ERI1: variants seen among roughly 807,000 people sequenced by gnomAD.
ERI1 encodes exoribonuclease 1, also known as 3'-5' exoribonuclease 1.
In ERI1, 39 loss-of-function variants were observed where a neutral mutation model predicts 39.7. That is an observed-to-expected ratio of 0.98 (90% CI 0.76 to 1.28). ERI1 has a LOEUF of 1.28. Ranked by LOEUF, ERI1 falls within the 50% of genes most tolerant of loss-of-function variation. The probability of loss-of-function intolerance (pLI) is 0.00; values close to 1 mark genes in which losing one functional copy is unlikely to be tolerated. For missense variants in ERI1, 581 were observed against 416.9 expected (o/e 1.39, Z -3.43); for synonymous variants, 204 against 149.6 (o/e 1.36, Z -2.65).
At chr8:9,065,774 C>G (rs949189846) in intron 3 of ERI1, among the ~76,000 whole-genome samples, 2 of 150,554 alleles carry the variant, frequency 1.3e-5, no homozygotes, top group African/African-American at 4.9e-5. Flanking sequence ...ACTAACAAAT[C>G]TCCTTTTAAA....
At chr8:9,026,362 C>G (rs1041397065) in intron 6 of ERI1, among the ~76,000 whole-genome samples, 3 of 152,124 alleles carry the variant, frequency 2.0e-5, no homozygotes, top group African/African-American at 4.8e-5. Flanking sequence ...TCTCATATTC[C>G]AAAAGTGAAA....
intron 2 of ERI1, among the ~76,000 whole-genome samples, chr8:9,010,811 C>G (rs1816588879): frequency 6.6e-6 from 1 of 152,248 alleles, no homozygotes; most frequent in South Asian, 2.1e-4. Flanking sequence ...ACCTTTCTCT[C>G]CTCCCCACTA....
At chr8:9,080,417 C>A (rs148924654) in intron 3 of ERI1, among the ~76,000 whole-genome samples, 1,657 of 152,306 alleles carry the variant, frequency 0.011, 16 homozygotes, top group Non-Finnish European at 0.019. Context: ...AGTGACATTT[C>A]TCCTTGCAGC....
rs1563344310 is a variant in ERI1 at position 9,033,299 on chromosome 8, T to TA, written c.*3266dup. On this transcript the variant is annotated 3_prime_UTR_variant, in exon 7 of 7. Coordinates refer to ENST00000250263, the MANE Select transcript of ERI1 (RefSeq NM_153332.4). The stretch of plus-strand genomic sequence containing the variant: ...ATAATATTTTGTATAATACGAAAAT[T>TA]ACGAAATTTTAGTTTCTCTAAATAA... 6.6e-6 allele frequency: 1 copy of TA among 152,214 alleles called. No homozygotes were observed. Among genetic ancestry groups the TA allele is most frequent in the Non-Finnish European group, 1.5e-5 (1 of 68,040 alleles). The allele number at this position is 152,214 out of a possible 1,614,324, so 9.4% of individuals were successfully genotyped here.
At chr8:9,008,172 T>A in intron 2 of ERI1, 24 bp downstream of exon 2, 1 of 1,509,760 alleles carries the variant, frequency 6.6e-7, no homozygotes, top group East Asian at 2.4e-5. Context: ...ACTTATAAAA[T>A]TATAAAAGTA....
chr8:9,062,232 G>T (rs1444131474), intron 3 of ERI1, among the ~76,000 whole-genome samples: 1 of 152,012 alleles, frequency 6.6e-6, no homozygotes, highest in Non-Finnish European at 1.5e-5. Context: ...AGATTGTAAG[G>T]GGTGCATGAT....
intron 3 of ERI1, among the ~76,000 whole-genome samples, chr8:9,069,672 G>C (rs780535583): frequency 6.6e-6 from 1 of 152,000 alleles, no homozygotes; most frequent in African/African-American, 2.4e-5. Flanking sequence ...TCTCAGCATC[G>C]TGCAATATAC....
chr8:9,079,119 G>A (rs1799296346), intron 3 of ERI1, among the ~76,000 whole-genome samples: 1 of 152,020 alleles, frequency 6.6e-6, no homozygotes, highest in African/African-American at 2.4e-5. Context: ...ATAGGGAGGG[G>A]AAAAAAGATT....
intron 3 of ERI1, among the ~76,000 whole-genome samples, chr8:9,069,888 G>A (rs772680514): frequency 2.0e-5 from 3 of 152,176 alleles, no homozygotes; most frequent in Non-Finnish European, 4.4e-5. Flanking sequence ...GAATTTGCAG[G>A]TTTTAGAAAG....
chr8:9,063,367 A>C (rs1385683378), intron 3 of ERI1, among the ~76,000 whole-genome samples: 1 of 152,102 alleles, frequency 6.6e-6, no homozygotes, highest in African/African-American at 2.4e-5. Flanking sequence ...AGCTCCAGCC[A>C]CCTTTTTAAG....
chr8:9,097,080 T>C (rs1377038204), intron 3 of ERI1, among the ~76,000 whole-genome samples: 2 of 152,092 alleles, frequency 1.3e-5, no homozygotes, highest in Non-Finnish European at 2.9e-5. Flanking sequence ...TCCCGCTTCC[T>C]CTGGAAGTCC....
intron 3 of ERI1, among the ~76,000 whole-genome samples, chr8:9,094,887 A>G (rs1164509338): frequency 6.6e-6 from 1 of 152,184 alleles, no homozygotes; most frequent in Non-Finnish European, 1.5e-5. Flanking sequence ...TTATGTAGCT[A>G]GTATGTATAT....
rs746435560 is a variant in ERI1 at position 9,020,331 on chromosome 8, G to C, written c.693-19G>C. The C allele has an allele frequency of 2.8e-6, 4 of 1,408,210 alleles. No homozygotes were observed. Among genetic ancestry groups the C allele is most frequent in the Non-Finnish European group, 3.9e-6 (4 of 1,034,852 alleles). The allele number at this position is 1,408,210 out of a possible 1,614,324, so 87.2% of individuals were successfully genotyped here. A position where few individuals can be genotyped will look rare whatever the true frequency, so the allele number is the denominator to read the frequency against. On this transcript the variant is annotated intron_variant, in intron 5 of 6. Transcript: ENST00000250263. ...ATAGCGTTTATTTCATCAATTTTTTGTCCTTTTTTAATTTATAGTTCTTGG... is the reference window on the plus strand; with the variant it reads ...ATAGCGTTTATTTCATCAATTTTTTCTCCTTTTTTAATTTATAGTTCTTGG...
intron 2 of ERI1, among the ~76,000 whole-genome samples, chr8:9,008,719 C>T (rs570353498): frequency 2.3e-4 from 35 of 152,012 alleles, no homozygotes; most frequent in Middle Eastern, 3.4e-3. Context: ...TAATTTTTTG[C>T]GAAACAAATC....
chr8:9,098,595 TA>T (rs1176919543), intron 3 of ERI1, among the ~76,000 whole-genome samples: 1 of 151,854 alleles, frequency 6.6e-6, no homozygotes, highest in African/African-American at 2.4e-5. Flanking sequence ...AGGTGAGGGA[TA>T]AAAAGACTAC....
intron 4 of ERI1, among the ~76,000 whole-genome samples, chr8:9,016,911 A>G (rs1817359181): frequency 6.6e-6 from 1 of 152,072 alleles, no homozygotes; most frequent in African/African-American, 2.4e-5. Flanking sequence ...GGTCTCGAAC[A>G]CCTAACCTCA....
At chr8:9,027,551 C>T (rs1797265592) in intron 6 of ERI1, among the ~76,000 whole-genome samples, 1 of 152,068 alleles carries the variant, frequency 6.6e-6, no homozygotes, top group African/African-American at 2.4e-5. Context: ...AAATCATTGT[C>T]CAATCCATTG....
intron 6 of ERI1, among the ~76,000 whole-genome samples, chr8:9,029,359 C>T (rs117406082): frequency 0.022 from 3,346 of 152,190 alleles, 131 homozygotes; most frequent in East Asian, 0.2. Flanking sequence ...GATGGAGTCT[C>T]GCTCTGTTGT....
At chr8:9,078,564 G>A (rs76394197) in intron 3 of ERI1, among the ~76,000 whole-genome samples, 2 of 152,164 alleles carry the variant, frequency 1.3e-5, no homozygotes, top group Non-Finnish European at 2.9e-5. Context: ...TAATCAATAT[G>A]ACAGAGATTT....
Sources: gnomAD v4.1 joint callset for allele counts (sites outside exome capture counted in the v4.1 genomes callset) on GRCh38, gnomAD v4.1.1 for gene constraint, MANE v1.5 for transcripts, NCBI Gene and HGNC (gene_info 2026-07-23, HGNC 2026-07-21) for gene names.